The following CLRN1 variants were observed in gnomAD, a reference collection of about 807,000 sequenced individuals.
The protein encoded by CLRN1 is clarin 1.
Under a neutral mutation model 18.7 loss-of-function variants are expected in CLRN1, and 15 were observed. The ratio of observed to expected loss-of-function variants is 0.80; its 90% CI spans 0.54 to 1.23. The LOEUF (loss-of-function observed/expected upper bound fraction) is 1.23, where lower values mean the gene tolerates loss of function less well. Ranked by LOEUF, CLRN1 falls within the 50% of genes most tolerant of loss-of-function variation. The pLI is 0.00. For synonymous variants in CLRN1, 104 were observed against 102.9 expected (o/e 1.01, Z -0.07); for missense variants, 311 against 277.5 (o/e 1.12, Z -0.86).
In CLRN1 at chr3:150,972,459, A is replaced by G. The variant is rs1476228884; in HGVS notation, c.250T>C (p.Ser84Pro). Reference sequence around the variant, plus strand: ...CTCAAATGCAATTGCTACTTACATGAGAACCGAAAGGGCCTTGCTCCCAAC... The same window carrying G: ...CTCAAATGCAATTGCTACTTACATGGGAACCGAAAGGGCCTTGCTCCCAAC... ...CGLGARPFRF[S>P]FFPDLLKAIP... The change falls in exon 1 of 3, where the codon TCA becomes CCA. Residue 84 changes from serine (S) to proline (P), a missense_variant. Ser to Pro is a moderately conservative substitution (Grantham distance 74, BLOSUM62 -1). Transcript: ENST00000327047. 6.2e-7 allele frequency: 1 copy of G among 1,614,100 alleles called. No homozygotes were observed. The highest frequency in any genetic ancestry group is 1.3e-5 in the African/African-American group (1 of 74,914).
chr3:150,968,961 T>G (rs1298788592), intron 1 of CLRN1, among the ~76,000 whole-genome samples: 3 of 152,030 alleles, frequency 2.0e-5, no homozygotes, highest in African/African-American at 7.2e-5. Context: ...AGGGGAGCCA[T>G]TTTCTTCTGC....
At chr3:150,945,252 C>T (rs1714103872) in intron 1 of CLRN1, among the ~76,000 whole-genome samples, 1 of 152,186 alleles carries the variant, frequency 6.6e-6, no homozygotes, top group South Asian at 2.1e-4. Context: ...TCCCCCATGT[C>T]TACAAGCACA....
At chr3:150,954,621 C>T (rs997301455) in intron 1 of CLRN1, among the ~76,000 whole-genome samples, 3 of 152,100 alleles carry the variant, frequency 2.0e-5, no homozygotes, top group Non-Finnish European at 4.4e-5. Context: ...TTTATGAACT[C>T]CAATTTATCA....
At chr3:150,933,065 GAATTT>G (rs1309985664) in intron 2 of CLRN1, among the ~76,000 whole-genome samples, 1 of 152,120 alleles carries the variant, frequency 6.6e-6, no homozygotes, top group Non-Finnish European at 1.5e-5. Context: ...TATCTAATTT[GAATTT>G]ATTTTCGGAA....
At chr3:150,944,168 A>G (rs963715602) in intron 1 of CLRN1, 2 of 390,944 alleles carry the variant, frequency 5.1e-6, no homozygotes, top group Non-Finnish European at 9.8e-6. Flanking sequence ...AGAACTTTCC[A>G]GGGAAAAGAA....
At chr3:150,939,052 T>C (rs1713650038) in intron 2 of CLRN1, among the ~76,000 whole-genome samples, 1 of 152,240 alleles carries the variant, frequency 6.6e-6, no homozygotes, top group African/African-American at 2.4e-5. Flanking sequence ...AGACGGCTGT[T>C]GCTGCTAATG....
chr3:150,952,689 T>C (rs1162153788), intron 1 of CLRN1, among the ~76,000 whole-genome samples: 1 of 152,194 alleles, frequency 6.6e-6, no homozygotes, highest in Non-Finnish European at 1.5e-5. Context: ...GTTAAAAAGA[T>C]GGCTACTTCA....
At position 150,927,877 on chromosome 3, in the gene CLRN1, C is replaced by A. The variant is rs754238683; in HGVS notation, c.*59G>T. On this transcript the variant is annotated 3_prime_UTR_variant, in exon 3 of 3. Coordinates refer to ENST00000327047, the MANE Select transcript of CLRN1 (RefSeq NM_174878.3). ...CTAAAAGGATATGCAAAATTAACCA[C>A]ATCTAAAAGTGACCAAAGCAAGTCT... 1 of 1,597,878 alleles carries A rather than the reference C, an allele frequency of 6.3e-7. No homozygotes were observed. The highest frequency in any genetic ancestry group is 8.6e-7 in the Non-Finnish European group (1 of 1,166,464).
At position 150,927,748 on chromosome 3, in the gene CLRN1, T is replaced by G. The variant is rs768066487; in HGVS notation, c.*188A>C. ...GCAATTTCCCACCAGATAAAACAAC[T>G]TTTCAAAGCCTTCCTTCTGCTTCCC... On this transcript the variant is annotated 3_prime_UTR_variant, in exon 3 of 3. Coordinates refer to ENST00000327047, the MANE Select transcript of CLRN1 (RefSeq NM_174878.3). The G allele has an allele frequency of 3.6e-6, 3 of 843,466 alleles. No homozygotes were observed. The highest frequency in any genetic ancestry group is 5.8e-6 in the Non-Finnish European group (3 of 518,540). 52.2% of individuals were successfully genotyped at this position (843,466 alleles called of 1,614,324 possible).
chr3:150,929,595 G>A (rs929581585), intron 2 of CLRN1, among the ~76,000 whole-genome samples: 1 of 152,206 alleles, frequency 6.6e-6, no homozygotes, highest in African/African-American at 2.4e-5. Flanking sequence ...AATAAAGCAT[G>A]ATTTGCATTT....
chr3:150,943,861 A>G (rs1714004213), intron 1 of CLRN1: 2 of 1,614,074 alleles, frequency 1.2e-6, no homozygotes, highest in Non-Finnish European at 1.7e-6. Flanking sequence ...TACTCCTCAC[A>G]GCACTAAAGC....
At chr3:150,964,092 C>A (rs906493906) in intron 1 of CLRN1, among the ~76,000 whole-genome samples, 1 of 152,100 alleles carries the variant, frequency 6.6e-6, no homozygotes, top group Non-Finnish European at 1.5e-5. Flanking sequence ...AAAACTTCTG[C>A]GCAGCAAAAG....
In CLRN1 at chr3:150,972,483, A is replaced by T. The variant is rs139829306; in HGVS notation, c.226T>A (p.Leu76Met). 1.9e-6 allele frequency: 3 copies of T among 1,614,158 alleles called. No individual in the cohort carries two copies. The highest frequency in any genetic ancestry group is 2.2e-5 in the South Asian group (2 of 91,064). ...FHGEGVRQCG[L>M]GARPFRFSFF... The stretch of plus-strand genomic sequence containing the variant: ...GAGAACCGAAAGGGCCTTGCTCCCA[A>T]CCCACACTGCCTCACACCCTCTCCG... Residue 76 changes from leucine (L) to methionine (M), a missense_variant, in exon 1 of 3, where the codon TTG (leucine) becomes ATG (methionine). Leu to Met is a conservative substitution (Grantham distance 15, BLOSUM62 2). Coordinates refer to ENST00000327047, the MANE Select transcript of CLRN1 (RefSeq NM_174878.3).
intron 1 of CLRN1, among the ~76,000 whole-genome samples, chr3:150,948,416 G>A (rs1379113175): frequency 2.1e-5 from 3 of 145,020 alleles, no homozygotes; most frequent in Non-Finnish European, 1.5e-5. Flanking sequence ...CCCGGGAGGC[G>A]GAGCTTGCAG....
At chr3:150,931,371 T>G (rs1218752486) in intron 2 of CLRN1, among the ~76,000 whole-genome samples, 2 of 152,186 alleles carry the variant, frequency 1.3e-5, no homozygotes, top group Admixed American at 6.6e-5. Context: ...TTTAGAGGGT[T>G]CTGCTCTGTC....
At chr3:150,969,882 A>C (rs866007479) in intron 1 of CLRN1, among the ~76,000 whole-genome samples, 6 of 152,112 alleles carry the variant, frequency 3.9e-5, no homozygotes, top group Non-Finnish European at 8.8e-5. Flanking sequence ...AGGCTGAGGC[A>C]GGAGAATCGC....
chr3:150,945,507 A>C, intron 1 of CLRN1: 2 of 1,285,842 alleles, frequency 1.6e-6, no homozygotes, highest in Non-Finnish European at 2.0e-6. Context: ...GGATGTAATT[A>C]ACTAACTACA....
intron 1 of CLRN1, 44 bp from the exon 2 acceptor site, chr3:150,941,805 A>C (rs1271673543): frequency 3.3e-6 from 5 of 1,518,788 alleles, no homozygotes; most frequent in Non-Finnish European, 4.6e-6. Context: ...TTTCATTAGC[A>C]GTAGTCTGCA....
rs553647949 is a variant in CLRN1 at position 150,942,205 on chromosome 3, C to G, written c.254-444G>C. Among the ~76,000 whole-genome samples, 18 of 151,932 alleles carry G rather than the reference C, an allele frequency of 1.2e-4. No homozygotes were observed. The South Asian group carries it at 3.7e-3, about 32-fold the overall frequency. On this transcript the variant is annotated intron_variant, in intron 1 of 2. Coordinates refer to ENST00000327047, the MANE Select transcript of CLRN1 (RefSeq NM_174878.3). ...GGAAGTTTTCATATTTACTTTGTTA[C>G]AAAAAAATTGTTTCTAGTCTACACC...
Sources: gnomAD v4.1 joint callset for allele counts (sites outside exome capture counted in the v4.1 genomes callset) on GRCh38, gnomAD v4.1.1 for gene constraint, MANE v1.5 for transcripts, NCBI Gene and HGNC (gene_info 2026-07-23, HGNC 2026-07-21) for gene names.